STK3: variants seen among roughly 807,000 people sequenced by gnomAD.
STK3 encodes the protein serine/threonine kinase 3.
Under a neutral mutation model 58.0 loss-of-function variants are expected in STK3, and 41 were observed. The ratio of observed to expected loss-of-function variants is 0.71; its 90% confidence interval spans 0.55 to 0.92. STK3 has a LOEUF of 0.92. STK3 is among the 40% of genes least tolerant of loss of function. The pLI, the probability that STK3 is intolerant of heterozygous loss-of-function variation, is 0.00. For synonymous variants in STK3, 170 were observed against 191.0 expected (o/e 0.89, Z 0.91); for missense variants, 479 against 602.7 (o/e 0.79, Z 2.15).
rs1169918170 is a variant in STK3 at position 98,800,328 on chromosome 8, C to G, written c.26+25187G>C. On this transcript the variant is annotated intron_variant, in intron 1 of 10. Coordinates refer to ENST00000419617, the MANE Select transcript of STK3 (RefSeq NM_006281.4). The surrounding 1 kb of genome is among the most constrained non-coding windows in gnomAD (Gnocchi z 4.8). ...GGACACTACAACTGCAGGGCCCCTT[C>G]AAAGCCCCTATCCAGCAGGAAGTAG... Among the ~76,000 whole-genome samples the G allele has an allele frequency of 2.0e-5, 3 of 152,232 alleles. No individual in the cohort carries two copies. Among genetic ancestry groups the G allele is most frequent in the African/African-American group, 7.2e-5 (3 of 41,466 alleles).
intron 1 of STK3, among the ~76,000 whole-genome samples, chr8:98,780,061 T>C (rs1181397362): frequency 6.6e-6 from 1 of 151,944 alleles, no homozygotes. Flanking sequence ...TATATAATCA[T>C]GTAATAATAT....
At chr8:98,448,813 T>C (rs16897007) in intron 1 of STK3, among the ~76,000 whole-genome samples, 25,038 of 152,192 alleles carry the variant, frequency 0.16, 2,138 homozygotes, top group Non-Finnish European at 0.18. Flanking sequence ...TTGGTTAAAA[T>C]GTCATTTGTA....
chr8:98,538,542 C>T (rs769932544), intron 9 of STK3, among the ~76,000 whole-genome samples: 1 of 152,100 alleles, frequency 6.6e-6, no homozygotes, highest in African/African-American at 2.4e-5. Flanking sequence ...TGTTTTCAAT[C>T]TCCAATGAAG....
chr8:98,357,800 C>T, the STK3 span, among the ~76,000 whole-genome samples: 136 of 152,170 alleles, frequency 8.9e-4, 1 homozygote, highest in Non-Finnish European at 3.5e-4. Flanking sequence ...AGTGGGGGGC[C>T]TTTGAAGCTG....
At chr8:98,607,265 C>T (rs1181312018) in intron 6 of STK3, among the ~76,000 whole-genome samples, 1 of 152,198 alleles carries the variant, frequency 6.6e-6, no homozygotes, top group Non-Finnish European at 1.5e-5. Flanking sequence ...AACTCCTTCA[C>T]TGGGCCCTTT....
intron 8 of STK3, among the ~76,000 whole-genome samples, chr8:98,558,857 A>T (rs1253705919): frequency 6.6e-6 from 1 of 152,098 alleles, no homozygotes; most frequent in Non-Finnish European, 1.5e-5. Flanking sequence ...ACCTACATAA[A>T]CTTAGATATA....
chr8:98,597,925 T>C, intron 6 of STK3: 2 of 984,878 alleles, frequency 2.0e-6, no homozygotes, highest in African/African-American at 1.7e-5. Flanking sequence ...AGCTCCACAG[T>C]TGAGGCAGAA....
Position 98,774,747 on chromosome 8 carries a change from A to G in STK3, c.99T>C (p.Leu33=), listed in dbSNP as rs962321669. 100 of 1,582,576 alleles carry G rather than the reference A, an allele frequency of 6.3e-5. No homozygotes were observed. The highest frequency in any genetic ancestry group is 7.8e-5 in the Non-Finnish European group (91 of 1,167,594). ...ATACTTTTTGTACTTACCCTTCTCC[A>G]AGCTTCTCTAATACATCAAAAACTT... ...PEEVFDVLEK[L]GEGSYGSVFK... is the part of the protein sequence containing the mutation. Residue 33 remains leucine, a synonymous_variant, in exon 2 of 11, where the codon CTT becomes CTC. Coordinates refer to ENST00000419617, the MANE Select transcript of STK3 (RefSeq NM_006281.4).
At position 98,914,455 on chromosome 8, in the gene STK3, C is replaced by G. The variant is rs556009399; in HGVS notation, c.-79+27923G>C. The stretch of plus-strand genomic sequence containing the variant: ...TGTAAGCTACACTTGTGTGCAAGCA[C>G]ATGCCTACACACACACACACACACA... On this transcript the variant is annotated intron_variant, in intron 1 of 1. Transcript: ENST00000519420. Among the ~76,000 whole-genome samples the G allele has an allele frequency of 4.6e-3, 640 of 139,852 alleles. 7 individuals are homozygous for G. Among genetic ancestry groups the G allele is most frequent in the African/African-American group, 0.017 (597 of 35,000 alleles). 91.7% of individuals were successfully genotyped at this position (139,852 alleles called of 152,430 possible).
chr8:98,372,621 A>G (rs935469653), intron 2 of STK3, among the ~76,000 whole-genome samples: 2 of 152,160 alleles, frequency 1.3e-5, no homozygotes, highest in African/African-American at 4.8e-5. Flanking sequence ...TTCTGTTAAC[A>G]TAAGCACCAA....
chr8:98,727,820 A>G (rs1482271278), intron 4 of STK3, among the ~76,000 whole-genome samples: 1 of 152,152 alleles, frequency 6.6e-6, no homozygotes, highest in Non-Finnish European at 1.5e-5. Flanking sequence ...ATTCATTTGC[A>G]TTTGATTTCT....
At chr8:98,782,582 GA>G in intron 1 of STK3, 1 of 297,210 alleles carries the variant, frequency 3.4e-6, no homozygotes, top group Non-Finnish European at 6.8e-6. Context: ...GGCCAAGAAG[GA>G]AGAGAGCATC....
intron 10 of STK3, among the ~76,000 whole-genome samples, chr8:98,509,005 A>G (rs968012085): frequency 1.3e-5 from 2 of 152,150 alleles, no homozygotes; most frequent in African/African-American, 2.4e-5. Flanking sequence ...AAGGTTTTCA[A>G]AACTCGACCC....
chr8:98,846,279 A>G (rs1033944726), intron 3 of STK3, among the ~76,000 whole-genome samples: 4 of 152,248 alleles, frequency 2.6e-5, no homozygotes, highest in Non-Finnish European at 5.9e-5. Context: ...AGTGTCTGCC[A>G]CACTCACTAG....
At chr8:98,720,657 A>AG (rs1159398527) in intron 4 of STK3, among the ~76,000 whole-genome samples, 1 of 150,976 alleles carries the variant, frequency 6.6e-6, no homozygotes, top group Non-Finnish European at 1.5e-5. Flanking sequence ...AGGCTGAGGC[A>AG]GGAGAATGGC....
chr8:98,730,496 T>A (rs1008237037), intron 4 of STK3, among the ~76,000 whole-genome samples: 2 of 152,072 alleles, frequency 1.3e-5, no homozygotes, highest in Non-Finnish European at 2.9e-5. Context: ...GGTGGGTGGA[T>A]CACCTGAGGT....
At chr8:98,802,797 T>C (rs1313719943) in intron 1 of STK3, among the ~76,000 whole-genome samples, 2 of 152,184 alleles carry the variant, frequency 1.3e-5, no homozygotes, top group African/African-American at 4.8e-5. Context: ...AACTCATTGA[T>C]ATAAAAAGAA....
intron 1 of STK3, among the ~76,000 whole-genome samples, chr8:98,925,173 C>T (rs373307083): frequency 4.9e-4 from 75 of 152,340 alleles, no homozygotes; most frequent in African/African-American, 1.8e-3. Flanking sequence ...CTCAATGCTA[C>T]TTCTCTCTAT....
chr8:98,753,019 A>C (rs1830077083), intron 3 of STK3, among the ~76,000 whole-genome samples: 1 of 152,154 alleles, frequency 6.6e-6, no homozygotes, highest in African/African-American at 2.4e-5. Flanking sequence ...TGGGAGTGTA[A>C]ATTAGTTCAA....
Sources: gnomAD v4.1 joint callset for allele counts (sites outside exome capture counted in the v4.1 genomes callset) on GRCh38, gnomAD v4.1.1 for gene constraint, Gnocchi (gnomAD v3.1) non-coding constraint, MANE v1.5 for transcripts, NCBI Gene and HGNC (gene_info 2026-07-23, HGNC 2026-07-21) for gene names.